Variants in CCDC15 observed in about 807,000 individuals in gnomAD.
The protein encoded by CCDC15 is coiled-coil domain containing 15, also known as coiled-coil domain-containing protein 15.
In CCDC15, 105 loss-of-function variants were observed where a neutral mutation model predicts 114.5. The ratio of observed to expected loss-of-function variants is 0.92; its 90% CI spans 0.78 to 1.08. The LOEUF is 1.08. Among genes scored for constraint, CCDC15 ranks in the 50% least tolerant of loss-of-function variants. The pLI is 0.00. For missense variants in CCDC15, 1,105 were observed against 1,093.6 expected (o/e 1.01, Z -0.15); for synonymous variants, 334 against 377.8 (o/e 0.88, Z 1.34).
At chr11:124,988,213 A>G (rs951878127) in intron 8 of CCDC15, 79 bp downstream of exon 8, 16 of 1,415,002 alleles carry the variant, frequency 1.1e-5, no homozygotes, top group Non-Finnish European at 1.4e-5. Flanking sequence ...AAGGACTGCA[A>G]GTATACCTTG....
At chr11:124,989,269 A>G (rs1284212605) in intron 8 of CCDC15, among the ~76,000 whole-genome samples, 2 of 152,200 alleles carry the variant, frequency 1.3e-5, no homozygotes, top group Non-Finnish European at 2.9e-5. Flanking sequence ...TGAGCAGTTT[A>G]AAAGGCATCT....
At chr11:125,034,909 A>G (rs1948765834) in intron 13 of CCDC15, among the ~76,000 whole-genome samples, 3 of 152,076 alleles carry the variant, frequency 2.0e-5, no homozygotes, top group Non-Finnish European at 4.4e-5. Context: ...ATATATGCAT[A>G]GTTATATATA....
Position 124,977,579 on chromosome 11 carries a change from C to T in CCDC15, c.732C>T (p.Tyr244=), listed in dbSNP as rs753840029. Residue 244 remains tyrosine, a synonymous_variant, in exon 6 of 16, where the codon TAC becomes TAT. Transcript: ENST00000344762. ...AAGGTCTTTTAGCTGCTGTACCTTA[C>T]CAGAATTATATGGAAAATCAGGTAG... is the stretch of plus-strand genomic sequence containing the variant. ...VHQGLLAAVP[Y]QNYMENQELD... 19 of 1,603,838 alleles carry T rather than the reference C, an allele frequency of 1.2e-5. No individual in the cohort carries two copies. Among genetic ancestry groups the T allele is most frequent in the Non-Finnish European group, 1.1e-5 (13 of 1,175,218 alleles).
At chr11:125,002,804 T>A (rs374196464) in intron 11 of CCDC15, among the ~76,000 whole-genome samples, 1 of 152,110 alleles carries the variant, frequency 6.6e-6, no homozygotes, top group African/African-American at 2.4e-5. Context: ...ATTATATCTT[T>A]GTAGTAAGTT....
At chr11:124,993,327 G>C in intron 11 of CCDC15, 84 bp downstream of exon 11, 2 of 921,754 alleles carry the variant, frequency 2.2e-6, no homozygotes, top group South Asian at 3.1e-5. Context: ...AGTGTAAATT[G>C]CTTTTTTTTT....
At chr11:124,956,589 T>C (rs1323458680) in intron 2 of CCDC15, among the ~76,000 whole-genome samples, 1 of 152,234 alleles carries the variant, frequency 6.6e-6, no homozygotes, top group Non-Finnish European at 1.5e-5. Context: ...ATATCAGTAG[T>C]GTCAACATGC....
intron 9 of CCDC15, 92 bp from the exon 10 acceptor site, chr11:124,992,488 T>G: frequency 1.4e-6 from 1 of 718,054 alleles, no homozygotes; most frequent in Admixed American, 2.5e-5. Context: ...GTTTCATTTC[T>G]CTGGAGTTTT....
chr11:125,034,741 C>G (rs1392351710), intron 13 of CCDC15, among the ~76,000 whole-genome samples: 1 of 152,088 alleles, frequency 6.6e-6, no homozygotes, highest in African/African-American at 2.4e-5. Flanking sequence ...CCATAGTGTT[C>G]TCCATACTAT....
At chr11:124,971,490 A>G (rs1011221192) in intron 4 of CCDC15, among the ~76,000 whole-genome samples, 2 of 152,204 alleles carry the variant, frequency 1.3e-5, no homozygotes, top group African/African-American at 4.8e-5. Context: ...CTCCAAGCTA[A>G]AATTTAGGCC....
chr11:125,027,010 A>G lies in CCDC15; in HGVS notation c.2412-11421A>G, dbSNP rs372536586. Among the ~76,000 whole-genome samples, 580 of 152,270 alleles carry G rather than the reference A, an allele frequency of 3.8e-3. 4 individuals are homozygous for G. The highest frequency in any genetic ancestry group is 0.027 in the Middle Eastern group (8 of 294). On this transcript the variant is annotated intron_variant, in intron 13 of 15. Coordinates refer to ENST00000344762, the MANE Select transcript of CCDC15 (RefSeq NM_025004.3). ...ATATTTGGTTTTCCATTCCTGAGTT[A>G]CTTCACTTAGAATAATAGCCTCCAA... is the stretch of plus-strand genomic sequence containing the variant.
At chr11:125,018,035 A>G (rs1214668467) in intron 13 of CCDC15, among the ~76,000 whole-genome samples, 1 of 152,078 alleles carries the variant, frequency 6.6e-6, no homozygotes, top group Non-Finnish European at 1.5e-5. Flanking sequence ...GAAGAAAGAA[A>G]ATTAATTTTT....
chr11:125,034,678 G>T (rs1370742246), intron 13 of CCDC15, among the ~76,000 whole-genome samples: 1 of 152,102 alleles, frequency 6.6e-6, no homozygotes, highest in African/African-American at 2.4e-5. Context: ...AGTGAATCAG[G>T]AGTGTCAAAT....
intron 6 of CCDC15, among the ~76,000 whole-genome samples, chr11:124,985,443 A>G (rs1948141298): frequency 1.3e-5 from 2 of 152,200 alleles, no homozygotes; most frequent in Admixed American, 1.3e-4. Context: ...GTTTTCCACC[A>G]GCAATATGTG....
intron 13 of CCDC15, among the ~76,000 whole-genome samples, chr11:125,014,358 A>G (rs930786170): frequency 6.6e-6 from 1 of 152,212 alleles, no homozygotes. Flanking sequence ...AATATTCAGT[A>G]TTCAATCAAA....
intron 13 of CCDC15, among the ~76,000 whole-genome samples, chr11:125,019,176 A>G (rs1203699893): frequency 6.6e-6 from 1 of 151,950 alleles, no homozygotes; most frequent in African/African-American, 2.4e-5. Context: ...GAAATAATAT[A>G]TAGAGAGAAG....
Position 124,982,625 on chromosome 11 carries a change from T to A in CCDC15, c.754-4117T>A, listed in dbSNP as rs1298085580. ...TGCTTAATATAGGCCCCCAATCTCT[T>A]CCAGCTTTTAGGGTTTCTGCCACCA... On this transcript the variant is annotated intron_variant, in intron 6 of 15. Coordinates refer to ENST00000344762, the MANE Select transcript of CCDC15 (RefSeq NM_025004.3). Among the ~76,000 whole-genome samples the A allele has an allele frequency of 2.0e-5, 3 of 152,344 alleles. No homozygotes were observed. In the East Asian group the frequency reaches 5.8e-4, roughly 29 times the overall value.
intron 13 of CCDC15, among the ~76,000 whole-genome samples, chr11:125,036,280 G>T: frequency 1.9e-5 from 2 of 103,260 alleles, no homozygotes; most frequent in African/African-American, 8.4e-5. Context: ...TTTTCCTTTG[G>T]CACTTTCAAT....
At chr11:124,972,548 TC>T (rs956229104) in intron 4 of CCDC15, among the ~76,000 whole-genome samples, 1 of 152,200 alleles carries the variant, frequency 6.6e-6, no homozygotes, top group Non-Finnish European at 1.5e-5. Context: ...TTAACTTTAG[TC>T]TTTGTATTAG....
intron 6 of CCDC15, among the ~76,000 whole-genome samples, chr11:124,982,652 G>A (rs575768202): frequency 6.6e-6 from 1 of 152,290 alleles, no homozygotes; most frequent in South Asian, 2.1e-4. Context: ...CTGCCACCAG[G>A]TTTGCTGTTA....
Sources: allele counts gnomAD v4.1 joint callset (sites outside exome capture counted in the v4.1 genomes callset), GRCh38; gene constraint gnomAD v4.1.1; transcripts MANE v1.5; gene names NCBI Gene and HGNC (gene_info 2026-07-23, HGNC 2026-07-21).